Variants in TEF observed in about 807,000 individuals in gnomAD.
TEF encodes TEF transcription factor, PAR bZIP family member, also known as thyrotroph embryonic factor.
TEF carries 3 observed loss-of-function variants against 20.8 expected under a neutral mutation model. The ratio of observed to expected loss-of-function variants is 0.14; its 90% CI spans 0.07 to 0.37. The LOEUF (loss-of-function observed/expected upper bound fraction) is 0.37. Ranked by LOEUF, TEF falls within the 10% of genes least tolerant of loss-of-function variation. The probability of loss-of-function intolerance (pLI) is 1.00; values close to 1 mark genes in which losing one functional copy is unlikely to be tolerated. For synonymous variants in TEF, 180 were observed against 171.1 expected, an observed-to-expected ratio of 1.05 and a Z score of -0.41; for missense variants, 296 against 397.9, an observed-to-expected ratio of 0.74 and a Z score of 2.18.
At chr22:41,394,052 G>T (rs2037198031) in intron 2 of TEF, 44 bp from the exon 3 acceptor site, 1 of 1,587,212 alleles carries the variant, frequency 6.3e-7, no homozygotes, top group Non-Finnish European at 8.6e-7. Context: ...GGTCTTCTCT[G>T]TCCAGTGGGC....
At position 41,382,212 on chromosome 22, in the gene TEF, G is replaced by A; in HGVS notation, c.157+11G>A. On this transcript the variant is annotated intron_variant, in intron 1 of 3. Coordinates refer to ENST00000266304, the MANE Select transcript of TEF (RefSeq NM_003216.4). ...GCGAGGCGCGCCTCGGTGAGGGCGG[G>A]GGGGTGGTCCGCGCGGGCTGGGGGC... 2 of 1,230,904 alleles carry A rather than the reference G, an allele frequency of 1.6e-6. No individual in the cohort carries two copies. The highest frequency in any genetic ancestry group is 1.6e-5 in the African/African-American group (1 of 64,368). The allele number at this position is 1,230,904 out of a possible 1,614,324, so 76.2% of individuals were successfully genotyped here.
upstream of TEF, among the ~76,000 whole-genome samples, chr22:41,380,510 G>A (rs1351317968): frequency 6.6e-6 from 1 of 152,164 alleles, no homozygotes; most frequent in Non-Finnish European, 1.5e-5. Context: ...GTGGGTGTCT[G>A]GATCATGCAT....
chr22:41,395,755 A>G lies in TEF; in HGVS notation c.707A>G (p.Tyr236Cys), dbSNP rs2037219678. 6.2e-7 allele frequency: 1 copy of G among 1,613,894 alleles called. No individual in the cohort carries two copies. Among genetic ancestry groups the G allele is most frequent in the Admixed American group, 1.7e-5 (1 of 59,994 alleles). ...FVPDEQKDEKYWTRRKKNNVA... is the reference protein window; with the variant it reads ...FVPDEQKDEKCWTRRKKNNVA... ...GGCACTTCCCCACAGGATGAAAAGTACTGGACAAGACGCAAGAAGAACAAC... is the reference window on the plus strand; with the variant it reads ...GGCACTTCCCCACAGGATGAAAAGTGCTGGACAAGACGCAAGAAGAACAAC... Residue 236 changes from tyrosine (Y) to cysteine (C), a missense_variant, in exon 4 of 4, where the codon TAC becomes TGC. Physicochemically the swap from Tyr to Cys is radical, Grantham distance 194. Transcript: ENST00000266304.
upstream of TEF, among the ~76,000 whole-genome samples, chr22:41,379,464 G>A (rs899284993): frequency 8.5e-5 from 13 of 152,192 alleles, no homozygotes; most frequent in African/African-American, 2.7e-4. Flanking sequence ...CCGAGATCCC[G>A]CCATTGCACT....
chr22:41,369,919 C>T (rs2036861542), intron 1 of TEF: 1 of 985,278 alleles, frequency 1.0e-6, no homozygotes, highest in Non-Finnish European at 1.2e-6. Flanking sequence ...TGTTTACAAA[C>T]TCCCCATTTT....
At chr22:41,379,722 C>T (rs117971149), upstream of TEF, among the ~76,000 whole-genome samples, 39 of 151,696 alleles carry the variant, frequency 2.6e-4, no homozygotes, top group African/African-American at 9.2e-4. Context: ...AAATTAACCC[C>T]GTCTCTACTA....
intron 2 of TEF, among the ~76,000 whole-genome samples, chr22:41,387,983 C>CTTTTTTTTTTTTTTTTTT (rs530707936): frequency 4.0e-5 from 2 of 50,078 alleles, no homozygotes; most frequent in Non-Finnish European, 6.9e-5. Context: ...CAATGCTGCT[C>CTTTTTTTTTTTTTTTTTT]TTTTTTTTTT....
chr22:41,373,766 A>C (rs6002358), intron 1 of TEF, among the ~76,000 whole-genome samples: 40,948 of 135,804 alleles, frequency 0.3, 6,723 homozygotes, highest in Admixed American at 0.43. Context: ...CCACGCCCGG[A>C]CTTTTTTTTT....
intron 1 of TEF, among the ~76,000 whole-genome samples, chr22:41,384,072 A>G (rs893562081): frequency 1.3e-5 from 2 of 152,208 alleles, no homozygotes; most frequent in African/African-American, 4.8e-5. Context: ...CCACCTTCTT[A>G]ACTCACTGGG....
At chr22:41,383,246 A>G (rs964126028) in intron 1 of TEF, among the ~76,000 whole-genome samples, 3 of 151,994 alleles carry the variant, frequency 2.0e-5, no homozygotes, top group Admixed American at 2.0e-4. Flanking sequence ...TGTGGCTGTC[A>G]CTGTTGAGTT....
intron 1 of TEF, among the ~76,000 whole-genome samples, chr22:41,373,004 G>T (rs903642998): frequency 4.6e-5 from 7 of 152,146 alleles, no homozygotes; most frequent in Non-Finnish European, 1.5e-5. Context: ...GGAGAGACCC[G>T]AAGGGCGAGC....
chr22:41,382,214 G>T lies in TEF; in HGVS notation c.157+13G>T. The T allele has an allele frequency of 5.7e-6, 7 of 1,230,428 alleles. No individual in the cohort carries two copies. The highest frequency in any genetic ancestry group is 7.1e-6 in the Non-Finnish European group (7 of 986,982). The allele number at this position is 1,230,428 out of a possible 1,614,324, so 76.2% of individuals were successfully genotyped here. ...GAGGCGCGCCTCGGTGAGGGCGGGG[G>T]GGTGGTCCGCGCGGGCTGGGGGCGG... On this transcript the variant is annotated intron_variant, in intron 1 of 3. Transcript: ENST00000266304.
intron 1 of TEF, among the ~76,000 whole-genome samples, chr22:41,374,543 C>A (rs2036917601): frequency 6.7e-6 from 1 of 150,296 alleles, no homozygotes; most frequent in Non-Finnish European, 1.5e-5. Context: ...CTGAGCAAGA[C>A]TCTGTCTCAA....
chr22:41,390,465 A>G (rs1194246767), intron 2 of TEF, among the ~76,000 whole-genome samples: 1 of 148,328 alleles, frequency 6.7e-6, no homozygotes, highest in African/African-American at 2.5e-5. Context: ...CTCTTCTTCC[A>G]GCAAAGTCAT....
At chr22:41,391,843 G>A (rs544243426) in intron 2 of TEF, among the ~76,000 whole-genome samples, 3 of 152,038 alleles carry the variant, frequency 2.0e-5, no homozygotes, top group East Asian at 1.9e-4. Context: ...GGATGGTCTC[G>A]ATCTCTTGAC....
chr22:41,386,751 T>TAAATA (rs368531924), intron 1 of TEF, among the ~76,000 whole-genome samples: 1 of 148,626 alleles, frequency 6.7e-6, no homozygotes, highest in Non-Finnish European at 1.5e-5. Flanking sequence ...CTCAAATAAA[T>TAAATA]AAATAAAATA....
At chr22:41,381,520 C>G (rs1436522962), upstream of TEF, among the ~76,000 whole-genome samples, 1 of 152,196 alleles carries the variant, frequency 6.6e-6, no homozygotes, top group East Asian at 1.9e-4. Flanking sequence ...GCTCCGAGCT[C>G]CGCCCCTCTT....
At chr22:41,392,366 G>A (rs1488303573) in intron 2 of TEF, among the ~76,000 whole-genome samples, 1 of 152,044 alleles carries the variant, frequency 6.6e-6, no homozygotes, top group Non-Finnish European at 1.5e-5. Context: ...TTCTTCATCT[G>A]TAAACTAGTT....
chr22:41,385,217 G>A (rs776424135), intron 1 of TEF, among the ~76,000 whole-genome samples: 7 of 151,942 alleles, frequency 4.6e-5, no homozygotes, highest in Non-Finnish European at 8.8e-5. Flanking sequence ...AAAATTAGCC[G>A]GGCATGGTAG....
Sources: gnomAD v4.1 joint callset for allele counts (sites outside exome capture counted in the v4.1 genomes callset) on GRCh38, gnomAD v4.1.1 for gene constraint, MANE v1.5 for transcripts, NCBI Gene and HGNC (gene_info 2026-07-23, HGNC 2026-07-21) for gene names.